MCUR1: variants seen among roughly 807,000 people sequenced by gnomAD.
MCUR1 encodes the protein MCU regulator 1.
A neutral mutation model predicts 42.0 loss-of-function variants in MCUR1; 37 were observed. The ratio of observed to expected loss-of-function variants is 0.88; its 90% confidence interval spans 0.68 to 1.16. The LOEUF (loss-of-function observed/expected upper bound fraction) is 1.16, where lower values mean the gene tolerates loss of function less well. Among genes scored for constraint, MCUR1 ranks in the 50% most tolerant of loss-of-function variants. The pLI, the probability that MCUR1 is intolerant of heterozygous loss-of-function variation, is 0.00. For synonymous variants in MCUR1, 229 were observed against 196.2 expected (o/e 1.17, Z -1.40); for missense variants, 469 against 468.4 (o/e 1.00, Z -0.01).
rs1391224182 is a variant in MCUR1 at position 13,789,460 on chromosome 6, T to C, written c.*1349A>G. On this transcript the variant is annotated 3_prime_UTR_variant, in exon 9 of 9. Coordinates refer to ENST00000379170, the MANE Select transcript of MCUR1 (RefSeq NM_001031713.4). ...AATAACCCCAGTTGTATCTAGAATTTGTTTTCAATATAAAGGCAGGTATGA... is the reference window on the plus strand; with the variant it reads ...AATAACCCCAGTTGTATCTAGAATTCGTTTTCAATATAAAGGCAGGTATGA... 1.3e-5 allele frequency: 2 copies of C among 152,172 alleles called. No individual in the cohort carries two copies. The highest frequency in any genetic ancestry group is 1.3e-4 in the Admixed American group (2 of 15,282). The allele number at this position is 152,172 out of a possible 1,614,324, so 9.4% of individuals were successfully genotyped here.
chr6:13,812,383 G>A (rs948780124), intron 1 of MCUR1, among the ~76,000 whole-genome samples: 3 of 152,108 alleles, frequency 2.0e-5, no homozygotes, highest in Admixed American at 2.0e-4. Context: ...CATTTTTTAT[G>A]ATGACTGAAG....
chr6:13,802,167 A>T (rs1261931702), intron 3 of MCUR1, 76 bp downstream of exon 3: 2 of 1,222,428 alleles, frequency 1.6e-6, no homozygotes, highest in African/African-American at 3.1e-5. Flanking sequence ...TATCCAAAAA[A>T]TTATATTAAA....
intron 4 of MCUR1, among the ~76,000 whole-genome samples, chr6:13,801,048 C>T (rs185862495): frequency 5.9e-5 from 9 of 152,212 alleles, no homozygotes; most frequent in East Asian, 3.9e-4. Flanking sequence ...CTAGAATAGG[C>T]GAAACTAGTT....
At position 13,814,364 on chromosome 6, in the gene MCUR1, G is replaced by A; in HGVS notation, c.66C>T (p.Phe22=). ...GTCTTCCGCTGAGGCCCACGGGCAAGAAGAGAAGCCGCTGGCGGCCGGGCA... is the reference window on the plus strand; with the variant it reads ...GTCTTCCGCTGAGGCCCACGGGCAAAAAGAGAAGCCGCTGGCGGCCGGGCA... ...QRLPGRQRLL[F]LPVGLSGRPG... The change falls in exon 1 of 9, where the codon TTC becomes TTT. Residue 22 remains phenylalanine (F), a synonymous_variant. Coordinates refer to ENST00000379170, the MANE Select transcript of MCUR1 (RefSeq NM_001031713.4). 1 of 1,526,846 alleles carries A rather than the reference G, an allele frequency of 6.5e-7. No individual in the cohort carries two copies. Among genetic ancestry groups the A allele is most frequent in the Non-Finnish European group, 8.7e-7 (1 of 1,145,962 alleles). 94.6% of individuals were successfully genotyped at this position (1,526,846 alleles called of 1,614,324 possible). A position where few individuals can be genotyped will look rare whatever the true frequency, so the allele number is the denominator to read the frequency against.
Position 13,798,863 on chromosome 6 carries a change from G to C in MCUR1, c.825C>G (p.Phe275Leu), listed in dbSNP as rs770047913. 9 of 1,611,230 alleles carry C rather than the reference G, an allele frequency of 5.6e-6. No homozygotes were observed. In the East Asian group the frequency reaches 1.8e-4, roughly 32 times the overall value. ...CTTTTACTCTGCTCTTTTCTAGGTTGAAGTCTAATTTGGTATCTGTTCGGA... is the reference window on the plus strand; with the variant it reads ...CTTTTACTCTGCTCTTTTCTAGGTTCAAGTCTAATTTGGTATCTGTTCGGA... Reference protein sequence around the residue: ...IKVRTDTKLDFNLEKSRVKEL... With the variant: ...IKVRTDTKLDLNLEKSRVKEL... The change falls in exon 6 of 9, where the codon TTC (phenylalanine) becomes TTG (leucine). Residue 275 changes from phenylalanine to leucine, a missense_variant. Phe to Leu is a conservative substitution (Grantham distance 22, BLOSUM62 0). Transcript: ENST00000379170.
At chr6:13,799,011 G>A (rs1017756983) in intron 5 of MCUR1, 107 bp from the exon 6 acceptor site, 5 of 665,282 alleles carry the variant, frequency 7.5e-6, no homozygotes, top group East Asian at 2.8e-5. Context: ...TATCCTAGGC[G>A]AGGCAACCCA....
At chr6:13,794,620 T>G (rs1465911796) in intron 6 of MCUR1, among the ~76,000 whole-genome samples, 1 of 148,582 alleles carries the variant, frequency 6.7e-6, no homozygotes, top group African/African-American at 2.5e-5. Context: ...ATAAATACAC[T>G]AACTCATCAC....
chr6:13,807,170 A>G (rs983977044), intron 1 of MCUR1, 126 bp from the exon 2 acceptor site: 2 of 997,780 alleles, frequency 2.0e-6, no homozygotes, highest in Non-Finnish European at 2.8e-6. Flanking sequence ...GTTGAGATAT[A>G]CAATTCACCC....
At chr6:13,803,352 C>T (rs906180907) in intron 2 of MCUR1, among the ~76,000 whole-genome samples, 3 of 152,172 alleles carry the variant, frequency 2.0e-5, no homozygotes, top group Non-Finnish European at 2.9e-5. Context: ...CAAGCCACCA[C>T]GCCTGGCCAG....
chr6:13,807,863 C>T (rs925344898), intron 1 of MCUR1, among the ~76,000 whole-genome samples: 42 of 152,316 alleles, frequency 2.8e-4, no homozygotes, highest in Admixed American at 2.5e-3. Flanking sequence ...TTTTAATCAG[C>T]ATTTCCCTGA....
At chr6:13,804,077 T>C in intron 2 of MCUR1, 1 of 866,498 alleles carries the variant, frequency 1.2e-6, no homozygotes, top group Non-Finnish European at 1.4e-6. Context: ...TCCCAGCACT[T>C]TAGGAGGCCA....
intron 1 of MCUR1, among the ~76,000 whole-genome samples, chr6:13,807,451 A>G (rs1217281727): frequency 6.6e-6 from 1 of 152,158 alleles, no homozygotes; most frequent in Admixed American, 6.5e-5. Context: ...TTCACTTAGC[A>G]TGTTTTCAAG....
chr6:13,793,669 C>T (rs1193766202), intron 7 of MCUR1, among the ~76,000 whole-genome samples: 1 of 152,112 alleles, frequency 6.6e-6, no homozygotes, highest in African/African-American at 2.4e-5. Flanking sequence ...TAGCCAGTGG[C>T]GATGGTTGCC....
intron 1 of MCUR1, among the ~76,000 whole-genome samples, chr6:13,808,831 T>C (rs1760167865): frequency 6.6e-6 from 1 of 152,210 alleles, no homozygotes. Flanking sequence ...GTCTGGGCTC[T>C]CCATTCTAAT....
In MCUR1 at chr6:13,786,591, C is replaced by G. The variant is rs1584979333; in HGVS notation, c.*4218G>C. 1 of 152,018 alleles carries G rather than the reference C, an allele frequency of 6.6e-6. No individual in the cohort carries two copies. Among genetic ancestry groups the G allele is most frequent in the East Asian group, 1.9e-4 (1 of 5,192 alleles). 9.4% of individuals were successfully genotyped at this position (152,018 alleles called of 1,614,324 possible). A position where few individuals can be genotyped will look rare whatever the true frequency, so the allele number is the denominator to read the frequency against. ...TTAAAATTTATTTTCTATGTATACC[C>G]AAATTTTCAAGTATTAGATTTACTT... is the stretch of plus-strand genomic sequence containing the variant. On this transcript the variant is annotated 3_prime_UTR_variant, in exon 9 of 9. Coordinates refer to ENST00000379170, the MANE Select transcript of MCUR1 (RefSeq NM_001031713.4).
Position 13,788,210 on chromosome 6 carries a change from C to A in MCUR1, c.*2599G>T, listed in dbSNP as rs1017566025. 2 of 152,134 alleles carry A rather than the reference C, an allele frequency of 1.3e-5. No individual in the cohort carries two copies. Among genetic ancestry groups the A allele is most frequent in the African/African-American group, 4.8e-5 (2 of 41,430 alleles). 9.4% of individuals were successfully genotyped at this position (152,134 alleles called of 1,614,324 possible). ...AGTAAGTTTTAATATTACGTCTAGTCGGCTCACGGGTGCTTGAGCCAGAAG... is the reference window on the plus strand; with the variant it reads ...AGTAAGTTTTAATATTACGTCTAGTAGGCTCACGGGTGCTTGAGCCAGAAG... On this transcript the variant is annotated 3_prime_UTR_variant, in exon 9 of 9. Coordinates refer to ENST00000379170, the MANE Select transcript of MCUR1 (RefSeq NM_001031713.4).
intron 1 of MCUR1, among the ~76,000 whole-genome samples, chr6:13,810,309 A>G (rs934408551): frequency 1.3e-5 from 2 of 152,180 alleles, no homozygotes; most frequent in African/African-American, 2.4e-5. Context: ...ACTATTAAAT[A>G]TTGTACTAAA....
chr6:13,801,451 C>A, intron 3 of MCUR1, 62 bp from the exon 4 acceptor site: 1 of 1,109,200 alleles, frequency 9.0e-7, no homozygotes, highest in Non-Finnish European at 1.4e-6. Context: ...TTCCTATCAT[C>A]TCAATGTGCT....
chr6:13,811,958 GGCCAC>G (rs1760244585), intron 1 of MCUR1, among the ~76,000 whole-genome samples: 1 of 152,008 alleles, frequency 6.6e-6, no homozygotes, highest in Non-Finnish European at 1.5e-5. Flanking sequence ...CAGAAGGGCT[GGCCAC>G]TTTCCATTGG....
Sources: allele counts gnomAD v4.1 joint callset (sites outside exome capture counted in the v4.1 genomes callset), GRCh38; gene constraint gnomAD v4.1.1; transcripts MANE v1.5; gene names NCBI Gene and HGNC (gene_info 2026-07-23, HGNC 2026-07-21).